Variants in EIF2B3 observed in about 807,000 individuals in gnomAD.
EIF2B3 encodes eukaryotic translation initiation factor 2B subunit gamma.
In EIF2B3, 20 loss-of-function variants were observed where a neutral mutation model predicts 54.1. The observed-to-expected ratio is 0.37, with a 90% CI of 0.26 to 0.54. The LOEUF is 0.54. EIF2B3 is among the 20% of genes least tolerant of loss of function. The pLI, the probability that EIF2B3 is intolerant of heterozygous loss-of-function variation, is 0.86. For missense variants in EIF2B3, 448 were observed against 547.8 expected (o/e 0.82, Z 1.82); for synonymous variants, 153 against 188.1 (o/e 0.81, Z 1.52).
Position 44,881,761 on chromosome 1 carries a change from A to C in EIF2B3, c.657-22T>G. On this transcript the variant is annotated intron_variant, in intron 6 of 11. Coordinates refer to ENST00000360403, the MANE Select transcript of EIF2B3 (RefSeq NM_020365.5). The surrounding 1 kb of genome is among the most constrained non-coding windows in gnomAD (Gnocchi z 4.0). Reference sequence around the variant, plus strand: ...TGACCTAGAAAGAAAGAATGGCCAAATATGAGAAACCTGACTGTCTGGAAC... The same window carrying C: ...TGACCTAGAAAGAAAGAATGGCCAACTATGAGAAACCTGACTGTCTGGAAC... The C allele has an allele frequency of 7.4e-6, 12 of 1,613,378 alleles. No homozygotes were observed. Among genetic ancestry groups the C allele is most frequent in the Non-Finnish European group, 1.0e-5 (12 of 1,179,552 alleles).
chr1:44,929,109 A>C (rs1013772495), intron 4 of EIF2B3, among the ~76,000 whole-genome samples: 2 of 152,218 alleles, frequency 1.3e-5, no homozygotes, highest in African/African-American at 4.8e-5. Context: ...TAAAACATTA[A>C]ATAAAATGTT....
intron 3 of EIF2B3, among the ~76,000 whole-genome samples, chr1:44,971,046 T>G (rs1644394056): frequency 6.6e-6 from 1 of 152,158 alleles, no homozygotes; most frequent in African/African-American, 2.4e-5. Flanking sequence ...TAGTAAAGAT[T>G]CTGATTTTAG....
intron 6 of EIF2B3, among the ~76,000 whole-genome samples, chr1:44,882,074 T>A (rs1251653893): frequency 6.6e-6 from 1 of 152,264 alleles, no homozygotes; most frequent in East Asian, 1.9e-4. Flanking sequence ...TTTTTCAGTG[T>A]TCTCTCACAC....
intron 5 of EIF2B3, among the ~76,000 whole-genome samples, chr1:44,917,753 CTCTTT>C (rs1643653285): frequency 4.1e-5 from 4 of 97,948 alleles, no homozygotes; most frequent in Non-Finnish European, 2.0e-5. Flanking sequence ...ACCAATAACA[CTCTTT>C]TTTTTTTTTT....
At chr1:44,953,755 T>G (rs761362091) in intron 3 of EIF2B3, among the ~76,000 whole-genome samples, 6 of 152,198 alleles carry the variant, frequency 3.9e-5, no homozygotes, top group Non-Finnish European at 8.8e-5. Context: ...ATCACATCAC[T>G]GCACTTCAGC....
chr1:44,938,219 G>A lies in EIF2B3; in HGVS notation c.454+3287C>T, dbSNP rs1569783259. The stretch of plus-strand genomic sequence containing the variant: ...CAAATATATAATCTGAAAAACTTAC[G>A]ATTCTTTAAAAAATGCTTATGATGG... On this transcript the variant is annotated intron_variant, in intron 4 of 11. Coordinates refer to ENST00000360403, the MANE Select transcript of EIF2B3 (RefSeq NM_020365.5). Among the ~76,000 whole-genome samples the A allele has an allele frequency of 2.0e-5, 3 of 152,176 alleles. No homozygotes were observed. The East Asian group carries it at 5.8e-4, about 29-fold the overall frequency.
At position 44,970,539 on chromosome 1, in the gene EIF2B3, C is replaced by A. The variant is rs544050829; in HGVS notation, c.294+7776G>T. 4.6e-5 allele frequency among the ~76,000 whole-genome samples: 7 copies of A among 152,224 alleles called. No homozygotes were observed. The South Asian group carries it at 1.2e-3, about 27-fold the overall frequency. On this transcript the variant is annotated intron_variant, in intron 3 of 11. Transcript: ENST00000360403. Reference sequence around the variant, plus strand: ...TAATGTTTAGGAGCTCTTTTGTGGGCACACGGGAAGAAAAAACATGGGCTT... The same window carrying A: ...TAATGTTTAGGAGCTCTTTTGTGGGAACACGGGAAGAAAAAACATGGGCTT...
At chr1:44,862,403 C>G (rs1161143104) in intron 10 of EIF2B3, among the ~76,000 whole-genome samples, 1 of 152,158 alleles carries the variant, frequency 6.6e-6, no homozygotes, top group Non-Finnish European at 1.5e-5. Flanking sequence ...AAACAGAGTA[C>G]TACAGTAAGA....
intron 6 of EIF2B3, among the ~76,000 whole-genome samples, chr1:44,882,550 C>A (rs1187592021): frequency 6.6e-6 from 1 of 151,424 alleles, no homozygotes; most frequent in African/African-American, 2.4e-5. Context: ...TCAAGTGATT[C>A]TCCCACCTCA....
In EIF2B3 at chr1:44,954,001, G is replaced by T. The variant is rs536545061; in HGVS notation, c.295-12336C>A. Among the ~76,000 whole-genome samples the T allele has an allele frequency of 1.7e-4, 26 of 152,174 alleles. No individual in the cohort carries two copies. The South Asian group carries it at 3.3e-3, about 19-fold the overall frequency. ...TTTTTAAAAAGCAAAGATATACCAG[G>T]CAAATGGAAACAATAAGAAAGTGAT... is the stretch of plus-strand genomic sequence containing the variant. On this transcript the variant is annotated intron_variant, in intron 3 of 11. Transcript: ENST00000360403.
intron 10 of EIF2B3, among the ~76,000 whole-genome samples, chr1:44,864,964 T>C (rs1370291543): frequency 6.6e-6 from 1 of 152,224 alleles, no homozygotes; most frequent in Non-Finnish European, 1.5e-5. Flanking sequence ...ACACCTGTAA[T>C]CCCAGCACTT....
chr1:44,901,404 C>T (rs1399785978), intron 5 of EIF2B3, among the ~76,000 whole-genome samples: 2 of 152,098 alleles, frequency 1.3e-5, no homozygotes, highest in African/African-American at 2.4e-5. Flanking sequence ...GCGTGAGCCA[C>T]TGCGCCCAGT....
At chr1:44,924,152 A>G (rs952554499) in intron 5 of EIF2B3, among the ~76,000 whole-genome samples, 2 of 151,784 alleles carry the variant, frequency 1.3e-5, no homozygotes, top group Non-Finnish European at 2.9e-5. Context: ...GTGTTAGCCA[A>G]GATGGTCTTG....
At chr1:44,967,241 G>A (rs552636447) in intron 3 of EIF2B3, among the ~76,000 whole-genome samples, 14 of 148,056 alleles carry the variant, frequency 9.5e-5, no homozygotes, top group Admixed American at 2.0e-4. Flanking sequence ...GAGGTCAAGA[G>A]TTCGAGACCA....
intron 10 of EIF2B3, among the ~76,000 whole-genome samples, chr1:44,873,306 T>C (rs1000289879): frequency 2.0e-5 from 3 of 152,220 alleles, no homozygotes; most frequent in Admixed American, 6.5e-5. Flanking sequence ...TTTAATTCTT[T>C]CTGCTGAGTA....
chr1:44,887,664 C>T (rs541090191), intron 6 of EIF2B3, among the ~76,000 whole-genome samples: 161 of 152,260 alleles, frequency 1.1e-3, no homozygotes, highest in Non-Finnish European at 2.0e-3. Context: ...GAAGGCCGGG[C>T]GCGATGGCTC....
At chr1:44,941,730 G>T in intron 3 of EIF2B3, 65 bp from the exon 4 acceptor site, 1 of 1,586,092 alleles carries the variant, frequency 6.3e-7, no homozygotes, top group South Asian at 1.1e-5. Flanking sequence ...ATCATCACAA[G>T]ACAAAATTAG....
At chr1:44,917,323 G>A (rs1053987043) in intron 5 of EIF2B3, among the ~76,000 whole-genome samples, 4 of 151,806 alleles carry the variant, frequency 2.6e-5, no homozygotes, top group East Asian at 1.9e-4. Context: ...GTGAAACCCC[G>A]TCTCTACTAA....
chr1:44,854,467 G>C (rs1207492854), intron 11 of EIF2B3, among the ~76,000 whole-genome samples: 1 of 151,998 alleles, frequency 6.6e-6, no homozygotes, highest in Non-Finnish European at 1.5e-5. Context: ...GTTGGTGCTA[G>C]AAGAGGGTAG....
Sources: gnomAD v4.1 joint callset for allele counts (sites outside exome capture counted in the v4.1 genomes callset) on GRCh38, gnomAD v4.1.1 for gene constraint, Gnocchi (gnomAD v3.1) non-coding constraint, MANE v1.5 for transcripts, NCBI Gene and HGNC (gene_info 2026-07-23, HGNC 2026-07-21) for gene names.